C18orf54: variants seen among roughly 807,000 people sequenced by gnomAD.
C18orf54 encodes lung adenoma susceptibility protein 2.
In C18orf54, 49 loss-of-function variants were observed where a neutral mutation model predicts 49.3. The observed-to-expected ratio is 0.99, with a 90% CI of 0.79 to 1.26. The LOEUF (loss-of-function observed/expected upper bound fraction) is 1.26. Ranked by LOEUF, C18orf54 falls within the 50% of genes most tolerant of loss-of-function variation. The pLI is 0.00. For synonymous variants in C18orf54, 211 were observed against 216.6 expected (o/e 0.97, Z 0.23); for missense variants, 687 against 620.6 (o/e 1.11, Z -1.14).
At position 54,372,492 on chromosome 18, in the gene C18orf54, T is replaced by A; in HGVS notation, c.1353T>A (p.His451Gln). The part of the protein sequence containing the change: ...NQSCTLSGGK[H>Q]HGPVEALKQM... ...GCTGTACTCTCTCTGGAGGCAAACA[T>A]CATGGTCCTGTTGAAGCCCTGAAAC... Residue 451 changes from histidine (H) to glutamine (Q), a missense_variant, in exon 7 of 9, where the codon CAT becomes CAA. By Grantham distance (24) the His-to-Gln change is conservative (BLOSUM62 0). Coordinates refer to ENST00000620105, the MANE Select transcript of C18orf54 (RefSeq NM_001288980.2). The A allele has an allele frequency of 6.2e-7, 1 of 1,610,406 alleles. No individual in the cohort carries two copies. Among genetic ancestry groups the A allele is most frequent in the Non-Finnish European group, 8.5e-7 (1 of 1,177,814 alleles).
chr18:54,369,661 G>T (rs904172321), intron 6 of C18orf54, among the ~76,000 whole-genome samples: 1 of 151,592 alleles, frequency 6.6e-6, no homozygotes, highest in Non-Finnish European at 1.5e-5. Flanking sequence ...TAGAGGCAGG[G>T]TTTCACCATA....
intron 6 of C18orf54, among the ~76,000 whole-genome samples, chr18:54,366,244 A>G (rs1239935722): frequency 6.6e-6 from 1 of 151,800 alleles, no homozygotes; most frequent in Non-Finnish European, 1.5e-5. Context: ...ATCTAGCTGT[A>G]ATTTTTTTAT....
In C18orf54 at chr18:54,362,088, C is replaced by G; in HGVS notation, c.729C>G (p.Ser243Arg). The G allele has an allele frequency of 6.5e-7, 1 of 1,541,260 alleles. No individual in the cohort carries two copies. The highest frequency in any genetic ancestry group is 8.7e-7 in the Non-Finnish European group (1 of 1,147,564). The stretch of plus-strand genomic sequence containing the variant: ...AGAATTACCCAAGATGGCTCACTAG[C>G]CAGAAATCTGACCTTAATGTTTCAG... ...LEKNYPRWLT[S>R]QKSDLNVSGI... The change falls in exon 4 of 9, where the codon AGC becomes AGG. Residue 243 changes from serine to arginine, a missense_variant. Physicochemically the swap from Ser to Arg is moderately radical, Grantham distance 110. Transcript: ENST00000620105.
At chr18:54,367,739 A>G (rs188260726) in intron 6 of C18orf54, among the ~76,000 whole-genome samples, 2 of 152,172 alleles carry the variant, frequency 1.3e-5, no homozygotes, top group Non-Finnish European at 2.9e-5. Flanking sequence ...TTTGGATGTC[A>G]TATGTATTCC....
chr18:54,365,289 T>G (rs1438419638), intron 5 of C18orf54, among the ~76,000 whole-genome samples: 2 of 152,064 alleles, frequency 1.3e-5, no homozygotes, highest in East Asian at 3.8e-4. Context: ...TCTGTTCTGT[T>G]GCCTTCAAGT....
intron 6 of C18orf54, among the ~76,000 whole-genome samples, chr18:54,369,441 A>G (rs1272941878): frequency 6.7e-6 from 1 of 149,410 alleles, no homozygotes; most frequent in African/African-American, 2.5e-5. Flanking sequence ...AAATGTACTA[A>G]CTAGATTACA....
In C18orf54 at chr18:54,360,854, T is replaced by C. The variant is rs770420164; in HGVS notation, c.282T>C (p.Asn94=). ...QFCNYIYKPN[N]AFENLDHKKH... Reference sequence around the variant, plus strand: ...GCAACTATATTTACAAACCAAACAATGGTATGCTTTTATTCTTTGTTTTCT... The same window carrying C: ...GCAACTATATTTACAAACCAAACAACGGTATGCTTTTATTCTTTGTTTTCT... Residue 94 remains asparagine (N), a splice_region_variant and synonymous_variant, in exon 3 of 9, where the codon AAT becomes AAC. Coordinates refer to ENST00000620105, the MANE Select transcript of C18orf54 (RefSeq NM_001288980.2). 1 of 1,607,882 alleles carries C rather than the reference T, an allele frequency of 6.2e-7. No individual in the cohort carries two copies. The highest frequency in any genetic ancestry group is 8.5e-7 in the Non-Finnish European group (1 of 1,176,336).
At chr18:54,364,850 G>GA (rs2089348975) in intron 5 of C18orf54, among the ~76,000 whole-genome samples, 1 of 151,800 alleles carries the variant, frequency 6.6e-6, no homozygotes, top group Admixed American at 6.6e-5. Context: ...TGCTTATTAA[G>GA]AAAAAACATC....
chr18:54,366,567 A>G (rs2089389112), intron 6 of C18orf54, among the ~76,000 whole-genome samples: 1 of 152,036 alleles, frequency 6.6e-6, no homozygotes, highest in Admixed American at 6.6e-5. Flanking sequence ...TATCTTGACT[A>G]TTGTGAATAA....
rs1352760252 is a variant in C18orf54, at chr18:54,360,645, AC to A, written c.76del (p.Leu26Ter). The A allele has an allele frequency of 9.9e-6, 16 of 1,613,966 alleles. No homozygotes were observed. Among genetic ancestry groups the A allele is most frequent in the African/African-American group, 1.3e-5 (1 of 74,942 alleles). On this transcript the variant is annotated frameshift_variant, in exon 3 of 9. Coordinates refer to ENST00000620105, the MANE Select transcript of C18orf54 (RefSeq NM_001288980.2). LOFTEE classifies it high-confidence loss of function. ...AGTATCTGCCCTGCTGGCAAGCTGC[AC>A]CCTGAGTGGTAGTAATTCCTCTAAT... ...SSVSALLASC[T>X]LSGSNSSNSD...
At chr18:54,367,476 A>T (rs192543460) in intron 6 of C18orf54, among the ~76,000 whole-genome samples, 2 of 152,198 alleles carry the variant, frequency 1.3e-5, no homozygotes, top group East Asian at 3.9e-4. Flanking sequence ...TTCATTTCTG[A>T]AGGAAAGCTT....
intron 6 of C18orf54, 96 bp from the exon 7 acceptor site, chr18:54,372,370 C>A: frequency 8.6e-7 from 1 of 1,161,282 alleles, no homozygotes; most frequent in Non-Finnish European, 1.1e-6. Context: ...TGGAGTTTTA[C>A]ATTAATTTTC....
Position 54,381,017 on chromosome 18 carries a change from C to T in C18orf54, c.*2771C>T, listed in dbSNP as rs2089661016. On this transcript the variant is annotated 3_prime_UTR_variant, in exon 9 of 9. Transcript: ENST00000620105. ...TTGAAGTTTCTTCAAATGTGCAAGA[C>T]TGTGTGTCTTCCTATTAGATGTATA... The T allele has an allele frequency of 6.6e-6, 1 of 152,152 alleles. No homozygotes were observed. The highest frequency in any genetic ancestry group is 2.4e-5 in the African/African-American group (1 of 41,442). The allele number at this position is 152,152 out of a possible 1,614,324, so 9.4% of individuals were successfully genotyped here. A position where few individuals can be genotyped will look rare whatever the true frequency, so the allele number is the denominator to read the frequency against.
chr18:54,372,122 G>A (rs1349320972), intron 6 of C18orf54, among the ~76,000 whole-genome samples: 1 of 151,974 alleles, frequency 6.6e-6, no homozygotes, highest in African/African-American at 2.4e-5. Context: ...GAACATGTTG[G>A]TTTACCTGTC....
At chr18:54,375,199 T>G (rs183841447) in intron 8 of C18orf54, among the ~76,000 whole-genome samples, 34 of 152,068 alleles carry the variant, frequency 2.2e-4, no homozygotes, top group Admixed American at 5.2e-4. Flanking sequence ...TAACATTGAA[T>G]GTTTACCAAA....
intron 2 of C18orf54, among the ~76,000 whole-genome samples, chr18:54,360,089 A>G (rs1436028999): frequency 6.6e-6 from 1 of 152,194 alleles, no homozygotes; most frequent in Non-Finnish European, 1.5e-5. Flanking sequence ...GGCTTTAAAA[A>G]ATTTATTGAG....
At chr18:54,371,503 A>ACT (rs1275435459) in intron 6 of C18orf54, among the ~76,000 whole-genome samples, 3 of 152,074 alleles carry the variant, frequency 2.0e-5, no homozygotes, top group Non-Finnish European at 2.9e-5. Flanking sequence ...TTGGATATAT[A>ACT]CCTAAGAGGG....
rs150931057 is a variant in C18orf54 at position 54,359,902 on chromosome 18, G to A, written c.-46-625G>A. Among the ~76,000 whole-genome samples, 271 of 152,084 alleles carry A rather than the reference G, an allele frequency of 1.8e-3. 1 individual carries two copies. Among genetic ancestry groups the A allele is most frequent in the Admixed American group, 0.011 (175 of 15,282 alleles). On this transcript the variant is annotated intron_variant, in intron 2 of 8. Transcript: ENST00000620105. ...CATAAGAATTGAAAATAGGGAGGGT[G>A]GTACCAAAAACGAAGGTCAGGAAAT...
At chr18:54,363,817 TG>T (rs60386744) in intron 5 of C18orf54, 109,377 of 150,216 alleles carry the variant, frequency 0.73, 40,185 homozygotes, top group African/African-American at 0.84. Context: ...GGATTCTTTT[TG>T]TTTTTTATTC....
Sources: gnomAD v4.1 joint callset for allele counts (sites outside exome capture counted in the v4.1 genomes callset) on GRCh38, gnomAD v4.1.1 for gene constraint, MANE v1.5 for transcripts, NCBI Gene and HGNC (gene_info 2026-07-23, HGNC 2026-07-21) for gene names.